The following LRRFIP1 variants were observed in gnomAD, a reference collection of about 807,000 sequenced individuals.
LRRFIP1 encodes the protein LRR binding FLII interacting protein 1, also known as leucine-rich repeat flightless-interacting protein 1.
In LRRFIP1, 62 loss-of-function variants were observed where a neutral mutation model predicts 104.4. That is an observed-to-expected ratio of 0.59 (90% CI 0.48 to 0.73). LRRFIP1 has a LOEUF of 0.73. Ranked by LOEUF, LRRFIP1 falls within the 30% of genes least tolerant of loss-of-function variation. The pLI is 0.00. For synonymous variants in LRRFIP1, 300 were observed against 299.0 expected, an observed-to-expected ratio of 1.00 and a Z score of -0.03; for missense variants, 796 against 824.5, an observed-to-expected ratio of 0.97 and a Z score of 0.42.
intron 14 of LRRFIP1, 43 bp from the exon 15 acceptor site, chr2:237,753,265 GA>G: frequency 2.0e-6 from 3 of 1,468,650 alleles, no homozygotes; most frequent in Non-Finnish European, 2.8e-6. Flanking sequence ...TCTTTGTTTT[GA>G]TTTTTTTATT....
chr2:237,711,197 A>G lies in LRRFIP1; in HGVS notation c.183+2567A>G, dbSNP rs1042858018. ...GCCCTCACTGATGCTTCTGATGAGC[A>G]CAGGCCTTGCGGAGAACATCTGATG... On this transcript the variant is annotated intron_variant, in intron 2 of 23. Transcript: ENST00000308482. The surrounding 1 kb of genome is among the most constrained non-coding windows in gnomAD (Gnocchi z 4.4). 1.3e-5 allele frequency among the ~76,000 whole-genome samples: 2 copies of G among 152,260 alleles called. No homozygotes were observed. Among genetic ancestry groups the G allele is most frequent in the African/African-American group, 4.8e-5 (2 of 41,466 alleles).
intron 1 of LRRFIP1, among the ~76,000 whole-genome samples, chr2:237,670,014 G>A (rs1328988212): frequency 2.0e-5 from 3 of 152,252 alleles, no homozygotes; most frequent in Non-Finnish European, 4.4e-5. Flanking sequence ...CAGCTGGGAA[G>A]AGTCAGTTTT....
chr2:237,737,383 A>G (rs1383990165), intron 10 of LRRFIP1, among the ~76,000 whole-genome samples: 1 of 152,208 alleles, frequency 6.6e-6, no homozygotes, highest in African/African-American at 2.4e-5. Context: ...TGGAGCCATG[A>G]TTCAGACTTA....
chr2:237,760,076 A>AATT lies in LRRFIP1; in HGVS notation c.1330_1331insATT (p.Ile444delinsAsnPhe). ...TTTTTGTTCCCAGAAACATGGAATA[A>AATT]TCCTAAATTCAGAAATAGCTACCAA... On this transcript the variant is annotated protein_altering_variant, in exon 19 of 24. Coordinates refer to ENST00000308482, the MANE Select transcript of LRRFIP1 (RefSeq NM_001137550.2). 2 of 1,613,782 alleles carry AATT rather than the reference A, an allele frequency of 1.2e-6. No individual in the cohort carries two copies. The highest frequency in any genetic ancestry group is 1.7e-6 in the Non-Finnish European group (2 of 1,179,682).
chr2:237,743,762 G>A (rs997873123), intron 11 of LRRFIP1, among the ~76,000 whole-genome samples: 39 of 152,278 alleles, frequency 2.6e-4, no homozygotes, highest in African/African-American at 7.0e-4. Flanking sequence ...GCGGGGGTGT[G>A]AGGGGAGGCA....
At chr2:237,666,634 A>G (rs2089302819) in intron 1 of LRRFIP1, among the ~76,000 whole-genome samples, 1 of 151,968 alleles carries the variant, frequency 6.6e-6, no homozygotes, top group East Asian at 1.9e-4. Context: ...GGTTGCAGGC[A>G]AGAGGAGTGA....
rs547649229 is a variant in LRRFIP1, at chr2:237,661,031, C to T, written c.96+33291C>T. Among the ~76,000 whole-genome samples the T allele has an allele frequency of 1.3e-5, 2 of 152,282 alleles. No homozygotes were observed. The highest frequency in any genetic ancestry group is 6.5e-5 in the Admixed American group (1 of 15,304). ...ATTGCTCAGCCTGGCTCCAGAGGCACGCAGTCCCTGTGCCCCGAGAAACTA... is the reference window on the plus strand; with the variant it reads ...ATTGCTCAGCCTGGCTCCAGAGGCATGCAGTCCCTGTGCCCCGAGAAACTA... On this transcript the variant is annotated intron_variant, in intron 1 of 23. Coordinates refer to ENST00000308482, the MANE Select transcript of LRRFIP1 (RefSeq NM_001137550.2). The surrounding 1 kb of genome is among the most constrained non-coding windows in gnomAD (Gnocchi z 4.4).
At chr2:237,685,109 C>CG (rs1169189699) in intron 1 of LRRFIP1, among the ~76,000 whole-genome samples, 45 of 10,074 alleles carry the variant, frequency 4.5e-3, no homozygotes, top group African/African-American at 0.013. Flanking sequence ...TCCCTACCCT[C>CG]CCCCCCCCAC....
At position 237,640,735 on chromosome 2, in the gene LRRFIP1, C is replaced by G. The variant is rs11897864; in HGVS notation, c.96+12995C>G. Among the ~76,000 whole-genome samples the G allele has an allele frequency of 3.7e-3, 557 of 152,356 alleles. 3 individuals carry two copies. The highest frequency in any genetic ancestry group is 0.013 in the African/African-American group (535 of 41,582). ...CTGCCTCAGCCCTGGGCCTCCGCAG[C>G]TCTCTGCACGATACTCTCCTCATCA... is the stretch of plus-strand genomic sequence containing the variant. On this transcript the variant is annotated intron_variant, in intron 1 of 23. Coordinates refer to ENST00000308482, the MANE Select transcript of LRRFIP1 (RefSeq NM_001137550.2).
Position 237,766,313 on chromosome 2 carries a change from A to G in LRRFIP1, c.1460-3630A>G, listed in dbSNP as rs2060250974. On this transcript the variant is annotated intron_variant, in intron 19 of 23. Coordinates refer to ENST00000308482, the MANE Select transcript of LRRFIP1 (RefSeq NM_001137550.2). The surrounding 1 kb of genome is among the most constrained non-coding windows in gnomAD (Gnocchi z 4.8). ...TGAAGTAGAGGATGGTGGGGATGATAAATGCTTGCTAGGAAATAAGTCCAA... is the reference window on the plus strand; with the variant it reads ...TGAAGTAGAGGATGGTGGGGATGATGAATGCTTGCTAGGAAATAAGTCCAA... Among the ~76,000 whole-genome samples the G allele has an allele frequency of 7.2e-6, 1 of 139,428 alleles. No individual in the cohort carries two copies. The highest frequency in any genetic ancestry group is 2.5e-5 in the African/African-American group (1 of 40,368). 91.5% of individuals were successfully genotyped at this position (139,428 alleles called of 152,430 possible). A position where few individuals can be genotyped will look rare whatever the true frequency, so the allele number is the denominator to read the frequency against.
intron 19 of LRRFIP1, chr2:237,764,722 A>C (rs1224968703): frequency 1.1e-5 from 11 of 986,620 alleles, no homozygotes; most frequent in African/African-American, 3.5e-5. Context: ...TAAGGATAAC[A>C]AGTAAATGTC....
intron 1 of LRRFIP1, among the ~76,000 whole-genome samples, chr2:237,643,384 C>CG (rs1282407884): frequency 6.6e-6 from 1 of 152,244 alleles, no homozygotes; most frequent in Non-Finnish European, 1.5e-5. Flanking sequence ...GGCGCACCCT[C>CG]GCCTTCAGAA....
In LRRFIP1 at chr2:237,766,447, G is replaced by T. The variant is rs934847572; in HGVS notation, c.1460-3496G>T. Among the ~76,000 whole-genome samples the T allele has an allele frequency of 5.9e-5, 9 of 152,116 alleles. No individual in the cohort carries two copies. Among genetic ancestry groups the T allele is most frequent in the Non-Finnish European group, 1.3e-4 (9 of 68,014 alleles). Reference sequence around the variant, plus strand: ...CAGCTCTCATTCCTACCTTTAAAGGGCTCTTGGAAAGCAGTGTGACAACCA... The same window carrying T: ...CAGCTCTCATTCCTACCTTTAAAGGTCTCTTGGAAAGCAGTGTGACAACCA... On this transcript the variant is annotated intron_variant, in intron 19 of 23. Coordinates refer to ENST00000308482, the MANE Select transcript of LRRFIP1 (RefSeq NM_001137550.2). This position sits in a 1 kb window ranked among gnomAD's most constrained non-coding sequence, Gnocchi z 4.8.
At chr2:237,763,109 A>T (rs2060035243) in intron 19 of LRRFIP1, 1 of 1,614,116 alleles carries the variant, frequency 6.2e-7, no homozygotes, top group Non-Finnish European at 8.5e-7. Context: ...AGAGTTAGAG[A>T]CAAGCACAGG....
chr2:237,654,022 A>G (rs536446617), intron 1 of LRRFIP1, among the ~76,000 whole-genome samples: 83 of 152,352 alleles, frequency 5.4e-4, no homozygotes, highest in Admixed American at 4.6e-3. Flanking sequence ...GCACTAAACT[A>G]AAAAGCCTCT....
At chr2:237,720,565 C>G (rs1168426058) in intron 5 of LRRFIP1, among the ~76,000 whole-genome samples, 1 of 152,122 alleles carries the variant, frequency 6.6e-6, no homozygotes, top group Non-Finnish European at 1.5e-5. Flanking sequence ...TACTTTAAAT[C>G]CATATTGCCC....
intron 1 of LRRFIP1, among the ~76,000 whole-genome samples, chr2:237,665,157 G>A (rs1435535835): frequency 1.3e-5 from 2 of 151,886 alleles, no homozygotes; most frequent in African/African-American, 4.8e-5. Context: ...ATTAACTTAT[G>A]TTTTTTAAAA....
intron 16 of LRRFIP1, among the ~76,000 whole-genome samples, chr2:237,756,755 A>G (rs2150758404): frequency 6.6e-6 from 1 of 152,324 alleles, no homozygotes; most frequent in Admixed American, 6.5e-5. Flanking sequence ...TGGTAGACAG[A>G]ATAATGGTCC....
Position 237,772,013 on chromosome 2 carries a change from C to CT in LRRFIP1, c.1510-67dup, listed in dbSNP as rs372012699. 1.6e-5 allele frequency: 18 copies of CT among 1,135,716 alleles called. No individual in the cohort carries two copies. In the African/African-American group the frequency reaches 2.0e-4, roughly 12 times the overall value. The allele number at this position is 1,135,716 out of a possible 1,614,324, so 70.4% of individuals were successfully genotyped here. A position where few individuals can be genotyped will look rare whatever the true frequency, so the allele number is the denominator to read the frequency against. Reference sequence around the variant, plus strand: ...CATGCTGCTTCCTTTCTGATGGGCTCTAACTTCAGCTTTTCGGTCTCATTC... The same window carrying CT: ...CATGCTGCTTCCTTTCTGATGGGCTCTTAACTTCAGCTTTTCGGTCTCATTC... On this transcript the variant is annotated intron_variant, in intron 20 of 23. Coordinates refer to ENST00000308482, the MANE Select transcript of LRRFIP1 (RefSeq NM_001137550.2).
Sources: allele counts gnomAD v4.1 joint callset (sites outside exome capture counted in the v4.1 genomes callset), GRCh38; gene constraint gnomAD v4.1.1; non-coding constraint Gnocchi (gnomAD v3.1); transcripts MANE v1.5; gene names NCBI Gene and HGNC (gene_info 2026-07-23, HGNC 2026-07-21).